TMEM40: variants seen among roughly 807,000 people sequenced by gnomAD.
TMEM40 encodes the protein transmembrane protein 40.
TMEM40 carries 34 observed loss-of-function variants against 40.8 expected under a neutral mutation model. That is an observed-to-expected ratio of 0.83 (90% CI 0.63 to 1.11). TMEM40 has a LOEUF of 1.11. TMEM40 is among the 50% of genes least tolerant of loss of function. The pLI is 0.00. For synonymous variants in TMEM40, 106 were observed against 107.0 expected, an observed-to-expected ratio of 0.99 and a Z score of 0.06; for missense variants, 296 against 280.2, an observed-to-expected ratio of 1.06 and a Z score of -0.40.
At chr3:12,749,459 C>G (rs1452736178) in intron 2 of TMEM40, among the ~76,000 whole-genome samples, 1 of 152,218 alleles carries the variant, frequency 6.6e-6, no homozygotes, top group Non-Finnish European at 1.5e-5. Context: ...ATTCCCCATT[C>G]TGGGGTCACA....
chr3:12,751,557 C>T (rs1026286077), intron 1 of TMEM40, among the ~76,000 whole-genome samples: 10 of 152,028 alleles, frequency 6.6e-5, no homozygotes, highest in Non-Finnish European at 1.0e-4. Flanking sequence ...GGATTACAGG[C>T]GTGAGCCACT....
upstream of TMEM40, among the ~76,000 whole-genome samples, chr3:12,762,617 CAG>C (rs1168997849): frequency 6.6e-6 from 1 of 152,142 alleles, no homozygotes; most frequent in African/African-American, 2.4e-5. Context: ...ACTGAATAGA[CAG>C]TGAGTTCTCT....
upstream of TMEM40, among the ~76,000 whole-genome samples, chr3:12,763,422 A>G (rs950973880): frequency 6.6e-6 from 1 of 152,180 alleles, no homozygotes; most frequent in African/African-American, 2.4e-5. Flanking sequence ...AGTGTAAGGC[A>G]GGCCCCAGCT....
At chr3:12,753,818 C>A (rs1206844995) in intron 1 of TMEM40, among the ~76,000 whole-genome samples, 1 of 152,196 alleles carries the variant, frequency 6.6e-6, no homozygotes, top group Non-Finnish European at 1.5e-5. Context: ...ACGGGTCCTG[C>A]TAAACTGGAT....
chr3:12,735,565 A>G lies in TMEM40; in HGVS notation c.672T>C (p.Phe224=). ...LQGFIPLFQK[F]RLTGFRKTD The stretch of plus-strand genomic sequence containing the variant: ...GACTTTAAAAGTTACCTGTCAGCCT[A>G]AACTTCTGGAAGAGGGGGATGAAGC... The change falls in exon 11 of 12, where the codon TTT becomes TTC. Residue 224 remains phenylalanine (F), a synonymous_variant. Coordinates refer to ENST00000314124, the MANE Select transcript of TMEM40 (RefSeq NM_018306.4). 6.2e-7 allele frequency: 1 copy of G among 1,613,824 alleles called. No individual in the cohort carries two copies. Among genetic ancestry groups the G allele is most frequent in the Non-Finnish European group, 8.5e-7 (1 of 1,179,886 alleles).
intron 5 of TMEM40, among the ~76,000 whole-genome samples, chr3:12,739,912 C>T (rs2061368080): frequency 6.6e-6 from 1 of 150,986 alleles, no homozygotes; most frequent in Admixed American, 6.6e-5. Flanking sequence ...CAGTCTCAAA[C>T]TCTTGGGCTC....
chr3:12,753,211 CTTTTTTT>C (rs56739791), intron 1 of TMEM40, among the ~76,000 whole-genome samples: 8 of 76,310 alleles, frequency 1.0e-4, no homozygotes, highest in African/African-American at 3.3e-4. Context: ...TTCTTTCTTT[CTTTTTTT>C]TTTTTTTTTT....
upstream of TMEM40, among the ~76,000 whole-genome samples, chr3:12,759,706 C>T (rs528944046): frequency 2.3e-3 from 349 of 152,306 alleles, 1 homozygote; most frequent in African/African-American, 7.6e-3. Context: ...GGAGAGAGGG[C>T]CTGGGGGCTC....
chr3:12,751,642 A>G (rs1335833831), intron 1 of TMEM40, among the ~76,000 whole-genome samples: 2 of 152,160 alleles, frequency 1.3e-5, no homozygotes, highest in African/African-American at 4.8e-5. Context: ...TTAGGAAGTC[A>G]CTAGCCATTA....
At chr3:12,763,299 A>T (rs2061581211), upstream of TMEM40, among the ~76,000 whole-genome samples, 1 of 151,132 alleles carries the variant, frequency 6.6e-6, no homozygotes, top group Non-Finnish European at 1.5e-5. Context: ...CCCTCTTTGC[A>T]CCTCCTACAG....
At chr3:12,734,820 A>C in intron 11 of TMEM40, 27 bp from the exon 12 acceptor site, 2 of 1,594,978 alleles carry the variant, frequency 1.3e-6, no homozygotes, top group Non-Finnish European at 1.7e-6. Context: ...ACAGGATGGC[A>C]TGGGATTCTG....
At chr3:12,736,111 C>T (rs1242440190) in intron 10 of TMEM40, among the ~76,000 whole-genome samples, 1 of 150,802 alleles carries the variant, frequency 6.6e-6, no homozygotes, top group Non-Finnish European at 1.5e-5. Flanking sequence ...TTACATTGAC[C>T]TTGAAAGTGG....
At chr3:12,736,373 C>A (rs1183558862) in intron 10 of TMEM40, among the ~76,000 whole-genome samples, 3 of 152,090 alleles carry the variant, frequency 2.0e-5, no homozygotes, top group Non-Finnish European at 4.4e-5. Context: ...TGGTCTCAAA[C>A]TCCTAACCTC....
At chr3:12,751,301 G>A (rs893438308) in intron 1 of TMEM40, among the ~76,000 whole-genome samples, 5 of 148,542 alleles carry the variant, frequency 3.4e-5, no homozygotes, top group African/African-American at 1.2e-4. Flanking sequence ...TGTTTTTTGA[G>A]ATGGAGTCTC....
At chr3:12,756,795 C>G (rs1490125092) in intron 1 of TMEM40, among the ~76,000 whole-genome samples, 1 of 151,874 alleles carries the variant, frequency 6.6e-6, no homozygotes, top group Non-Finnish European at 1.5e-5. Context: ...CTCTCTCTAT[C>G]TCTTTCTCTC....
At chr3:12,754,231 G>A (rs188566850) in intron 1 of TMEM40, among the ~76,000 whole-genome samples, 1,734 of 152,274 alleles carry the variant, frequency 0.011, 23 homozygotes, top group Non-Finnish European at 0.017. Context: ...AGAATGGCGT[G>A]AACCCGGGAG....
chr3:12,763,024 G>A (rs1166197617), upstream of TMEM40, among the ~76,000 whole-genome samples: 2 of 151,712 alleles, frequency 1.3e-5, no homozygotes, highest in Admixed American at 6.6e-5. Flanking sequence ...GCCGGGCGTG[G>A]TGGCGGGCTC....
chr3:12,734,499 T>C lies in TMEM40; in HGVS notation c.*275A>G. On this transcript the variant is annotated 3_prime_UTR_variant, in exon 12 of 12. Coordinates refer to ENST00000314124, the MANE Select transcript of TMEM40 (RefSeq NM_018306.4). ...CTGAGAGCAGTGACCTCCCAGAATC[T>C]TCCTGCTGGTCCAGGTACTGTGAAG... 2.1e-6 allele frequency: 1 copy of C among 469,122 alleles called. No individual in the cohort carries two copies. Among genetic ancestry groups the C allele is most frequent in the Non-Finnish European group, 3.9e-6 (1 of 258,384 alleles). 29.1% of individuals were successfully genotyped at this position (469,122 alleles called of 1,614,324 possible). A position where few individuals can be genotyped will look rare whatever the true frequency, so the allele number is the denominator to read the frequency against.
intron 8 of TMEM40, 91 bp from the exon 9 acceptor site, chr3:12,736,926 T>G: frequency 6.6e-7 from 1 of 1,519,210 alleles, no homozygotes; most frequent in Non-Finnish European, 9.1e-7. Flanking sequence ...TCACCCAGGG[T>G]GGAGTGCAGT....
Sources: gnomAD v4.1 joint callset for allele counts (sites outside exome capture counted in the v4.1 genomes callset) on GRCh38, gnomAD v4.1.1 for gene constraint, MANE v1.5 for transcripts, NCBI Gene and HGNC (gene_info 2026-07-23, HGNC 2026-07-21) for gene names.